Variants in ZNRF2 observed in about 807,000 individuals in gnomAD.
ZNRF2 encodes the protein zinc and ring finger 2.
Under a neutral mutation model 20.4 loss-of-function variants are expected in ZNRF2, and 16 were observed. That is an observed-to-expected ratio of 0.79 (90% CI 0.53 to 1.19). ZNRF2 has a LOEUF of 1.19. Ranked by LOEUF, ZNRF2 falls within the 50% of genes most tolerant of loss-of-function variation. The pLI, the probability that ZNRF2 is intolerant of heterozygous loss-of-function variation, is 0.00. For missense variants in ZNRF2, 363 were observed against 332.4 expected, an observed-to-expected ratio of 1.09 and a Z score of -0.72; for synonymous variants, 178 against 144.9, an observed-to-expected ratio of 1.23 and a Z score of -1.64.
chr7:30,354,374 G>A (rs42577), intron 2 of ZNRF2, among the ~76,000 whole-genome samples: 3 of 152,088 alleles, frequency 2.0e-5, no homozygotes, highest in Non-Finnish European at 4.4e-5. Flanking sequence ...TGCTTATTCT[G>A]CAGAAGGTGC....
chr7:30,312,226 C>G (rs1326499628), intron 1 of ZNRF2, among the ~76,000 whole-genome samples: 1 of 152,076 alleles, frequency 6.6e-6, no homozygotes, highest in African/African-American at 2.4e-5. Flanking sequence ...AGCAGTCCTC[C>G]CTCCTTGGTC....
chr7:30,321,130 G>A lies in ZNRF2; in HGVS notation c.470-2512G>A, dbSNP rs1211392188. The stretch of plus-strand genomic sequence containing the variant: ...CCGAATATTCTTTGTTGTTGTTGTT[G>A]TTGTTTTCCCCACAGTAAATCTCCA... On this transcript the variant is annotated intron_variant, in intron 1 of 4. Coordinates refer to ENST00000323037, the MANE Select transcript of ZNRF2 (RefSeq NM_147128.4). Among the ~76,000 whole-genome samples, 11 of 152,198 alleles carry A rather than the reference G, an allele frequency of 7.2e-5. No homozygotes were observed. In the East Asian group the frequency reaches 2.1e-3, roughly 29 times the overall value.
chr7:30,344,533 A>C (rs1799847250), intron 2 of ZNRF2, among the ~76,000 whole-genome samples: 2 of 151,998 alleles, frequency 1.3e-5, no homozygotes, highest in Non-Finnish European at 2.9e-5. Flanking sequence ...AGCTTTAAAT[A>C]ATACTTTTTG....
At chr7:30,301,785 C>T (rs766862514) in intron 1 of ZNRF2, among the ~76,000 whole-genome samples, 4 of 151,342 alleles carry the variant, frequency 2.6e-5, no homozygotes, top group South Asian at 4.2e-4. Context: ...TAACAATCTC[C>T]GAAAAGGTAA....
chr7:30,310,610 A>G (rs879692480), intron 1 of ZNRF2, among the ~76,000 whole-genome samples: 1 of 152,284 alleles, frequency 6.6e-6, no homozygotes, highest in South Asian at 2.1e-4. Context: ...TTTTTAAAAA[A>G]TTTTTATTCA....
intron 1 of ZNRF2, among the ~76,000 whole-genome samples, chr7:30,321,424 A>T (rs1799467728): frequency 6.6e-6 from 1 of 151,654 alleles, no homozygotes; most frequent in Non-Finnish European, 1.5e-5. Flanking sequence ...TTTGCTGCCG[A>T]CTTCTCTCAA....
chr7:30,309,927 A>G (rs1799266816), intron 1 of ZNRF2, among the ~76,000 whole-genome samples: 1 of 152,214 alleles, frequency 6.6e-6, no homozygotes, highest in African/African-American at 2.4e-5. Flanking sequence ...ATATGAATAA[A>G]AAGTTGGTAT....
rs1270537197 is a variant in ZNRF2 at position 30,285,725 on chromosome 7, A to G, written c.368A>G (p.Asp123Gly). The change falls in exon 1 of 5, where the codon GAC (aspartate) becomes GGC (glycine). Residue 123 changes from aspartate to glycine, a missense_variant. By Grantham distance (94) the Asp-to-Gly change is moderately conservative. Transcript: ENST00000323037. ...SQDSVHSSPEDGGGGRDRPVG... is the reference protein window; with the variant it reads ...SQDSVHSSPEGGGGGRDRPVG... ...GACTCGGTGCACAGCAGCCCTGAGG[A>G]CGGCGGCGGCGGCCGGGACCGGCCG... 78 of 1,472,244 alleles carry G rather than the reference A, an allele frequency of 5.3e-5. No individual in the cohort carries two copies. The highest frequency in any genetic ancestry group is 6.4e-5 in the Non-Finnish European group (72 of 1,119,410). 91.2% of individuals were successfully genotyped at this position (1,472,244 alleles called of 1,614,324 possible).
rs1228311701 is a variant in ZNRF2 at position 30,301,717 on chromosome 7, A to AC, written c.469+15891_469+15892insC. On this transcript the variant is annotated intron_variant, in intron 1 of 4. Transcript: ENST00000323037. ...GCTTTTTTTAAAAAAAAAAAAAAAA[A>AC]AAAAAACTTATCTTTGTCTTAGATT... Among the ~76,000 whole-genome samples the AC allele has an allele frequency of 7.3e-4, 110 of 151,612 alleles. 2 individuals carry two copies. The East Asian group carries it at 0.016, about 22-fold the overall frequency.
intron 1 of ZNRF2, among the ~76,000 whole-genome samples, chr7:30,315,739 GGT>G (rs1799362386): frequency 6.8e-5 from 6 of 88,666 alleles, no homozygotes; most frequent in Admixed American, 1.5e-4. Flanking sequence ...GGGGGGGGGG[GGT>G]TGGGTATAAA....
chr7:30,322,542 A>T (rs1799487150), intron 1 of ZNRF2, among the ~76,000 whole-genome samples: 1 of 152,144 alleles, frequency 6.6e-6, no homozygotes, highest in South Asian at 2.1e-4. Flanking sequence ...GTTCTCTCGT[A>T]AGTTCAGCTT....
intron 1 of ZNRF2, among the ~76,000 whole-genome samples, chr7:30,286,167 A>T (rs1365908275): frequency 6.6e-6 from 1 of 152,220 alleles, no homozygotes; most frequent in African/African-American, 2.4e-5. Flanking sequence ...GGTTTTTAGT[A>T]CCAGGAAGTC....
intron 2 of ZNRF2, among the ~76,000 whole-genome samples, chr7:30,349,180 G>A (rs1438724248): frequency 4.6e-5 from 7 of 151,942 alleles, no homozygotes; most frequent in South Asian, 2.1e-4. Flanking sequence ...TTAATCATCC[G>A]TATTAAAGAC....
chr7:30,298,831 C>T (rs529847471), intron 1 of ZNRF2, among the ~76,000 whole-genome samples: 1 of 152,288 alleles, frequency 6.6e-6, no homozygotes, highest in East Asian at 1.9e-4. Flanking sequence ...TGCCTTCACC[C>T]CTGCTTCCAG....
chr7:30,322,961 A>G (rs1044699122), intron 1 of ZNRF2, among the ~76,000 whole-genome samples: 4 of 152,198 alleles, frequency 2.6e-5, no homozygotes, highest in African/African-American at 9.6e-5. Context: ...CTTCAGGCAA[A>G]TACTTAGTAG....
chr7:30,322,306 A>G (rs1799483050), intron 1 of ZNRF2, among the ~76,000 whole-genome samples: 2 of 152,206 alleles, frequency 1.3e-5, no homozygotes, highest in Non-Finnish European at 2.9e-5. Flanking sequence ...AATCCTTATA[A>G]AGTTCGGCAT....
intron 1 of ZNRF2, among the ~76,000 whole-genome samples, chr7:30,293,618 A>C (rs1433299761): frequency 3.3e-5 from 5 of 152,242 alleles, no homozygotes; most frequent in Non-Finnish European, 2.9e-5. Flanking sequence ...TTGGATCTTT[A>C]TTGCCAAATT....
At chr7:30,338,402 C>T (rs1215955149) in intron 2 of ZNRF2, among the ~76,000 whole-genome samples, 11 of 151,510 alleles carry the variant, frequency 7.3e-5, no homozygotes, top group Admixed American at 2.6e-4. Flanking sequence ...AGGTGTATCT[C>T]CTAATGCTGT....
chr7:30,321,824 T>A (rs746806374), intron 1 of ZNRF2, among the ~76,000 whole-genome samples: 4 of 152,180 alleles, frequency 2.6e-5, no homozygotes, highest in Non-Finnish European at 5.9e-5. Flanking sequence ...TCCCCATGGT[T>A]GATCAGTTTC....
Sources: gnomAD v4.1 joint callset for allele counts (sites outside exome capture counted in the v4.1 genomes callset) on GRCh38, gnomAD v4.1.1 for gene constraint, MANE v1.5 for transcripts, NCBI Gene and HGNC (gene_info 2026-07-23, HGNC 2026-07-21) for gene names.